The following SORCS2 variants were observed in gnomAD, a reference collection of about 807,000 sequenced individuals.
SORCS2 encodes the protein sortilin related VPS10 domain containing receptor 2.
A neutral mutation model predicts 141.6 loss-of-function variants in SORCS2; 100 were observed. The ratio of observed to expected loss-of-function variants is 0.71; its 90% CI spans 0.60 to 0.83. The LOEUF is 0.83. SORCS2 is among the 40% of genes least tolerant of loss of function. The pLI is 0.00. For missense variants in SORCS2, 1,646 were observed against 1,560.2 expected (o/e 1.05, Z -0.93); for synonymous variants, 789 against 676.9 (o/e 1.17, Z -2.57).
At chr4:7,542,182 C>T (rs1230535590) in intron 3 of SORCS2, among the ~76,000 whole-genome samples, 5 of 152,308 alleles carry the variant, frequency 3.3e-5, no homozygotes, top group South Asian at 2.1e-4. Flanking sequence ...GTTCCTGCCC[C>T]GCCTGCCCTA....
intron 3 of SORCS2, among the ~76,000 whole-genome samples, chr4:7,620,936 C>T (rs1175158052): frequency 3.3e-5 from 5 of 152,170 alleles, no homozygotes; most frequent in Non-Finnish European, 7.3e-5. Flanking sequence ...CCGAGTGCCC[C>T]CCAAGTGCCC....
intron 3 of SORCS2, among the ~76,000 whole-genome samples, chr4:7,580,472 A>C (rs1317543355): frequency 6.6e-6 from 1 of 152,044 alleles, no homozygotes; most frequent in Non-Finnish European, 1.5e-5. Flanking sequence ...CCTATGTGAC[A>C]CAGCAAGACT....
chr4:7,627,337 G>A (rs950329246), intron 3 of SORCS2, among the ~76,000 whole-genome samples: 3 of 152,154 alleles, frequency 2.0e-5, no homozygotes, highest in East Asian at 1.9e-4. Context: ...AGTGGGAGGC[G>A]TCCTGCTGAG....
chr4:7,472,893 G>A (rs1730063749), intron 2 of SORCS2, among the ~76,000 whole-genome samples: 2 of 150,686 alleles, frequency 1.3e-5, no homozygotes, highest in South Asian at 2.2e-4. Context: ...CACAGCCTGA[G>A]TGGATGGGGC....
chr4:7,729,782 G>A (rs1292890143), intron 23 of SORCS2, 70 bp downstream of exon 23: 4 of 1,552,608 alleles, frequency 2.6e-6, no homozygotes, highest in Non-Finnish European at 2.6e-6. Flanking sequence ...TTTACAACAA[G>A]CAGGGACGTC....
chr4:7,371,863 C>G (rs1055685958), intron 1 of SORCS2, among the ~76,000 whole-genome samples: 8 of 152,186 alleles, frequency 5.3e-5, no homozygotes, highest in Non-Finnish European at 1.2e-4. Flanking sequence ...TTTCCACCAG[C>G]TGTGATGGCC....
chr4:7,288,801 A>T (rs7684433), intron 1 of SORCS2, among the ~76,000 whole-genome samples: 34 of 118,704 alleles, frequency 2.9e-4, no homozygotes, highest in African/African-American at 1.2e-3. Context: ...TGGGGGGGGG[A>T]GTTGGGGAGG....
At chr4:7,287,342 C>T (rs1198704877) in intron 1 of SORCS2, among the ~76,000 whole-genome samples, 1 of 152,238 alleles carries the variant, frequency 6.6e-6, no homozygotes, top group Non-Finnish European at 1.5e-5. Flanking sequence ...CTCCTGGGTC[C>T]TCCCGTCTGG....
At chr4:7,666,667 G>A (rs1322515157) in intron 7 of SORCS2, among the ~76,000 whole-genome samples, 2 of 152,170 alleles carry the variant, frequency 1.3e-5, no homozygotes, top group African/African-American at 2.4e-5. Flanking sequence ...CTGTCTCTGG[G>A]AACAGATGCC....
At chr4:7,690,633 A>G (rs151048374) in intron 11 of SORCS2, among the ~76,000 whole-genome samples, 1,580 of 151,870 alleles carry the variant, frequency 0.01, 29 homozygotes, top group African/African-American at 0.036. Flanking sequence ...TGGGTGGATG[A>G]TAGACGGATG....
chr4:7,278,331 C>T lies in SORCS2; in HGVS notation c.480+85205C>T, dbSNP rs112809712. Among the ~76,000 whole-genome samples the T allele has an allele frequency of 1.9e-3, 294 of 152,274 alleles. 8 individuals carry two copies. The South Asian group carries it at 0.036, about 19-fold the overall frequency. The stretch of plus-strand genomic sequence containing the variant: ...GCCTGGTTGGGACGAGTTCACTGAG[C>T]GTGACGGGGTCTTCGTTCTTCTTCA... On this transcript the variant is annotated intron_variant, in intron 1 of 26. Coordinates refer to ENST00000507866, the MANE Select transcript of SORCS2 (RefSeq NM_020777.3).
At chr4:7,528,579 C>T (rs1733843085) in intron 2 of SORCS2, among the ~76,000 whole-genome samples, 1 of 152,152 alleles carries the variant, frequency 6.6e-6, no homozygotes, top group South Asian at 2.1e-4. Context: ...GCGCCTGCCA[C>T]CTCGCCCGGC....
intron 24 of SORCS2, 43 bp from the exon 25 acceptor site, chr4:7,734,229 G>C (rs1318797333): frequency 8.3e-6 from 12 of 1,446,590 alleles, no homozygotes; most frequent in Middle Eastern, 2.3e-4. Context: ...GACAGGGATG[G>C]GCGGTGCCCG....
At chr4:7,516,496 C>T (rs533343688) in intron 2 of SORCS2, among the ~76,000 whole-genome samples, 1 of 151,960 alleles carries the variant, frequency 6.6e-6, no homozygotes, top group Non-Finnish European at 1.5e-5. Flanking sequence ...GAACAGAGAA[C>T]GCCGGGTGTT....
At chr4:7,345,411 A>G (rs1179404697) in intron 1 of SORCS2, among the ~76,000 whole-genome samples, 1 of 152,198 alleles carries the variant, frequency 6.6e-6, no homozygotes, top group Non-Finnish European at 1.5e-5. Context: ...GGAGCTTTAC[A>G]AATGGTTCCA....
At chr4:7,500,873 G>GC (rs1731928432) in intron 2 of SORCS2, among the ~76,000 whole-genome samples, 1 of 152,188 alleles carries the variant, frequency 6.6e-6, no homozygotes, top group East Asian at 1.9e-4. Flanking sequence ...CCTGCGGGCA[G>GC]CCCCCGCAGA....
chr4:7,359,775 G>A (rs1389736650), intron 1 of SORCS2, among the ~76,000 whole-genome samples: 1 of 152,260 alleles, frequency 6.6e-6, no homozygotes, highest in Non-Finnish European at 1.5e-5. Flanking sequence ...AGGATTGAAA[G>A]TAAATAGCAC....
intron 14 of SORCS2, 82 bp downstream of exon 14, chr4:7,704,366 C>A: frequency 8.2e-7 from 1 of 1,217,784 alleles, no homozygotes; most frequent in Non-Finnish European, 1.1e-6. Context: ...TGTCCTTCAC[C>A]CCCCAGCCAC....
At chr4:7,533,951 A>G (rs909882528) in intron 3 of SORCS2, among the ~76,000 whole-genome samples, 9 of 152,180 alleles carry the variant, frequency 5.9e-5, no homozygotes, top group African/African-American at 2.2e-4. Context: ...GGGGTGCTCA[A>G]TAGAACTTCC....
Sources: gnomAD v4.1 joint callset for allele counts (sites outside exome capture counted in the v4.1 genomes callset) on GRCh38, gnomAD v4.1.1 for gene constraint, MANE v1.5 for transcripts, NCBI Gene and HGNC (gene_info 2026-07-23, HGNC 2026-07-21) for gene names.